LRP1B: variants seen among roughly 807,000 people sequenced by gnomAD.
The protein encoded by LRP1B is low-density lipoprotein receptor-related protein 1B.
LRP1B carries 217 observed loss-of-function variants against 556.6 expected under a neutral mutation model. That is an observed-to-expected ratio of 0.39 (90% CI 0.35 to 0.44). The LOEUF is 0.44. LRP1B is among the 20% of genes least tolerant of loss of function. LRP1B has a pLI of 1.00. For synonymous variants in LRP1B, 2,047 were observed against 1,865.8 expected (o/e 1.10, Z -2.50); for missense variants, 5,053 against 5,620.8 (o/e 0.90, Z 3.23).
At chr2:141,146,762 T>C (rs188363885) in intron 7 of LRP1B, among the ~76,000 whole-genome samples, 1 of 152,318 alleles carries the variant, frequency 6.6e-6, no homozygotes, top group Non-Finnish European at 1.5e-5. Flanking sequence ...CCATCAACTA[T>C]AGATGGCTGT....
chr2:141,463,212 T>C (rs1255999559), intron 3 of LRP1B, among the ~76,000 whole-genome samples: 1 of 152,080 alleles, frequency 6.6e-6, no homozygotes, highest in Non-Finnish European at 1.5e-5. Flanking sequence ...AGTTGGAACA[T>C]CCCAAGTCAC....
chr2:142,111,943 T>C (rs970833273), intron 1 of LRP1B, among the ~76,000 whole-genome samples: 3 of 152,058 alleles, frequency 2.0e-5, no homozygotes, highest in Non-Finnish European at 2.9e-5. Context: ...GATAATGTAA[T>C]TGATCAGAGG....
chr2:140,797,335 G>A (rs577084968), intron 32 of LRP1B, among the ~76,000 whole-genome samples: 20 of 151,930 alleles, frequency 1.3e-4, no homozygotes, highest in Admixed American at 2.0e-4. Flanking sequence ...AATAATTCAC[G>A]CTTTAATTTT....
intron 55 of LRP1B, among the ~76,000 whole-genome samples, chr2:140,496,896 T>A (rs1246762789): frequency 1.4e-5 from 1 of 72,414 alleles, no homozygotes; most frequent in Non-Finnish European, 2.8e-5. Context: ...GGATAAAATT[T>A]ATTTATTTAT....
At chr2:140,424,732 A>G (rs1053894351) in intron 66 of LRP1B, among the ~76,000 whole-genome samples, 5 of 152,216 alleles carry the variant, frequency 3.3e-5, no homozygotes, top group African/African-American at 1.2e-4. Flanking sequence ...AATACACCAG[A>G]TAGTTCAAAC....
At chr2:141,199,639 T>G (rs1468907716) in intron 6 of LRP1B, among the ~76,000 whole-genome samples, 1 of 152,188 alleles carries the variant, frequency 6.6e-6, no homozygotes, top group Non-Finnish European at 1.5e-5. Context: ...AGACACTTAT[T>G]GATTTTTATA....
chr2:141,197,025 A>T, intron 6 of LRP1B, among the ~76,000 whole-genome samples: 1 of 152,144 alleles, frequency 6.6e-6, no homozygotes, highest in East Asian at 1.9e-4. Flanking sequence ...CTTGCCTGCC[A>T]CCATGTAAGA....
intron 23 of LRP1B, among the ~76,000 whole-genome samples, chr2:140,895,060 A>C (rs1016839850): frequency 2.0e-5 from 3 of 152,168 alleles, no homozygotes; most frequent in Non-Finnish European, 4.4e-5. Flanking sequence ...ACATAGAGGA[A>C]TGTGAAAATT....
intron 41 of LRP1B, among the ~76,000 whole-genome samples, chr2:140,640,383 C>CTTTTTTTT (rs70988414): frequency 0.01 from 491 of 48,516 alleles, 124 homozygotes; most frequent in African/African-American, 0.016. Flanking sequence ...GTCCTGTTTT[C>CTTTTTTTT]TTTTTTTTTT....
Position 141,630,226 on chromosome 2 carries a change from CAG to C in LRP1B, c.206-149695_206-149694del, listed in dbSNP as rs1688859404. Among the ~76,000 whole-genome samples the C allele has an allele frequency of 2.6e-5, 4 of 152,250 alleles. No individual in the cohort carries two copies. The South Asian group carries it at 6.2e-4, about 24-fold the overall frequency. On this transcript the variant is annotated intron_variant, in intron 2 of 90. Coordinates refer to ENST00000389484, the MANE Select transcript of LRP1B (RefSeq NM_018557.3). Reference sequence around the variant, plus strand: ...GAAACTACAGGTATTGGGCACAGAACAGAGAGTGCCTACTATATTGATTTCTA... The same window carrying C: ...GAAACTACAGGTATTGGGCACAGAACAGAGTGCCTACTATATTGATTTCTA...
intron 7 of LRP1B, among the ~76,000 whole-genome samples, chr2:141,156,922 G>T (rs1250036833): frequency 6.6e-6 from 1 of 151,994 alleles, no homozygotes; most frequent in African/African-American, 2.4e-5. Context: ...ATTTTGGGGT[G>T]GTAAAAATTT....
chr2:142,078,818 C>CAT (rs1222984996), intron 1 of LRP1B, among the ~76,000 whole-genome samples: 1 of 151,980 alleles, frequency 6.6e-6, no homozygotes, highest in Non-Finnish European at 1.5e-5. Flanking sequence ...CTAGATAGCA[C>CAT]ATATAATAAG....
At chr2:140,635,179 G>A (rs576586035) in intron 41 of LRP1B, among the ~76,000 whole-genome samples, 2 of 152,120 alleles carry the variant, frequency 1.3e-5, no homozygotes, top group East Asian at 3.9e-4. Context: ...TACTTCATCT[G>A]TTGAAACTTC....
chr2:141,747,717 A>C (rs191017254), intron 2 of LRP1B, among the ~76,000 whole-genome samples: 1 of 152,336 alleles, frequency 6.6e-6, no homozygotes, highest in Admixed American at 6.5e-5. Flanking sequence ...GTGTTTGGGT[A>C]ATAGGCAAGG....
intron 1 of LRP1B, among the ~76,000 whole-genome samples, chr2:141,888,249 T>C (rs1327790037): frequency 1.3e-5 from 2 of 152,212 alleles, no homozygotes; most frequent in East Asian, 1.9e-4. Context: ...ATTGTATTGC[T>C]ATTTCCCAGT....
chr2:140,633,651 A>C (rs1287950301), intron 41 of LRP1B, among the ~76,000 whole-genome samples: 1 of 152,146 alleles, frequency 6.6e-6, no homozygotes, highest in Non-Finnish European at 1.5e-5. Context: ...GCTGTTGCCA[A>C]GGACATTGAA....
chr2:141,804,956 G>T (rs1195177606), intron 2 of LRP1B, among the ~76,000 whole-genome samples: 2 of 152,062 alleles, frequency 1.3e-5, no homozygotes, highest in African/African-American at 4.8e-5. Flanking sequence ...GGAGGAGAGT[G>T]AAGGGACACT....
At chr2:140,459,541 A>G (rs563747837) in intron 60 of LRP1B, among the ~76,000 whole-genome samples, 7 of 152,336 alleles carry the variant, frequency 4.6e-5, no homozygotes, top group African/African-American at 1.7e-4. Context: ...GAATCTGCCA[A>G]TTAGCATTTC....
At chr2:140,305,547 T>G (rs1474773259) in intron 83 of LRP1B, among the ~76,000 whole-genome samples, 1 of 152,158 alleles carries the variant, frequency 6.6e-6, no homozygotes, top group African/African-American at 2.4e-5. Flanking sequence ...TTAAGGGGAT[T>G]TTGGGCTGAG....
Sources: allele counts gnomAD v4.1 joint callset (sites outside exome capture counted in the v4.1 genomes callset), GRCh38; gene constraint gnomAD v4.1.1; transcripts MANE v1.5; gene names NCBI Gene and HGNC (gene_info 2026-07-23, HGNC 2026-07-21).